PXK: variants seen among roughly 807,000 people sequenced by gnomAD.
PXK encodes the protein PX domain-containing protein kinase-like protein.
A neutral mutation model predicts 84.7 loss-of-function variants in PXK; 35 were observed. That is an observed-to-expected ratio of 0.41 (90% CI 0.32 to 0.55). PXK has a LOEUF of 0.55. Among genes scored for constraint, PXK ranks in the 20% least tolerant of loss-of-function variants. The probability of loss-of-function intolerance (pLI) is 0.21; values close to 1 mark genes in which losing one functional copy is unlikely to be tolerated. For missense variants in PXK, 634 were observed against 699.7 expected (o/e 0.91, Z 1.06); for synonymous variants, 253 against 260.8 (o/e 0.97, Z 0.29).
chr3:58,423,856 T>C (rs1298303780), intron 17 of PXK, among the ~76,000 whole-genome samples: 1 of 152,222 alleles, frequency 6.6e-6, no homozygotes, highest in Non-Finnish European at 1.5e-5. Context: ...TTCTAAAATA[T>C]AAAATTCGAG....
At chr3:58,419,388 A>AT (rs1180114189) in intron 17 of PXK, among the ~76,000 whole-genome samples, 5 of 152,166 alleles carry the variant, frequency 3.3e-5, no homozygotes, top group Non-Finnish European at 7.4e-5. Flanking sequence ...GGTAGCTGGG[A>AT]TTACAGGCGC....
chr3:58,371,540 G>A (rs767898075), intron 3 of PXK, among the ~76,000 whole-genome samples: 1 of 152,200 alleles, frequency 6.6e-6, no homozygotes, highest in Admixed American at 6.5e-5. Context: ...CAGCCAGGCC[G>A]AGTAAGAATT....
At chr3:58,378,553 T>TGTGTGTGTGA (rs1471620101) in intron 3 of PXK, among the ~76,000 whole-genome samples, 15 of 131,384 alleles carry the variant, frequency 1.1e-4, no homozygotes, top group South Asian at 1.0e-3. Context: ...TGTGTGTGTG[T>TGTGTGTGTGA]GACGAAGTTT....
In PXK at chr3:58,409,907, TA is replaced by T. The variant is rs2059947806; in HGVS notation, c.1396-182del. On this transcript the variant is annotated intron_variant, in intron 15 of 17. Coordinates refer to ENST00000356151, the MANE Select transcript of PXK (RefSeq NM_017771.5). The surrounding 1 kb of genome is among the most constrained non-coding windows in gnomAD (Gnocchi z 4.2). The stretch of plus-strand genomic sequence containing the variant: ...ATAGTAAAGTCAGCATTTTTTGTTT[TA>T]TTTCTGCCTTTAGTTTTGGCTGTGA... Among the ~76,000 whole-genome samples the T allele has an allele frequency of 6.6e-6, 1 of 152,238 alleles. No homozygotes were observed. Among genetic ancestry groups the T allele is most frequent in the African/African-American group, 2.4e-5 (1 of 41,462 alleles).
At position 58,408,924 on chromosome 3, in the gene PXK, A is replaced by T. The variant is rs1256904588; in HGVS notation, c.1231A>T (p.Ile411Phe). Residue 411 changes from isoleucine (I) to phenylalanine (F), a missense_variant and splice_region_variant, in exon 14 of 18, where the codon ATC (isoleucine) becomes TTC (phenylalanine). This residue lies in a region of PXK where 273 missense variants were observed against 283.6 expected (regional missense o/e 0.96). Transcript: ENST00000356151. Reference sequence around the variant, plus strand: ...ATGATGTACTTTTCTCTCCTTTCAGATCCCTACAAAGTTAAAAGAGGCATT... The same window carrying T: ...ATGATGTACTTTTCTCTCCTTTCAGTTCCCTACAAAGTTAAAAGAGGCATT... ...LTTSEKPQFKIPTKLKEALRI... is the reference protein window; with the variant it reads ...LTTSEKPQFKFPTKLKEALRI... The T allele has an allele frequency of 6.4e-7, 1 of 1,568,956 alleles. No individual in the cohort carries two copies. The highest frequency in any genetic ancestry group is 1.1e-5 in the South Asian group (1 of 90,064).
rs912776118 is a variant in PXK, at chr3:58,411,534, G to C, written c.1466-1367G>C. On this transcript the variant is annotated intron_variant, in intron 16 of 17. Transcript: ENST00000356151. This position sits in a 1 kb window ranked among gnomAD's most constrained non-coding sequence, Gnocchi z 4.2. ...CCGGTCATGGTCATTATTATACTGA[G>C]ACTCATGATTCCAACCAGCAGTCAT... 6.6e-6 allele frequency among the ~76,000 whole-genome samples: 1 copy of C among 152,100 alleles called. No homozygotes were observed. Among genetic ancestry groups the C allele is most frequent in the Non-Finnish European group, 1.5e-5 (1 of 68,014 alleles).
rs2098614814 is a variant in PXK at position 58,390,384 on chromosome 3, A to G, written c.389-198A>G. On this transcript the variant is annotated intron_variant, in intron 4 of 17. Transcript: ENST00000356151. This position sits in a 1 kb window ranked among gnomAD's most constrained non-coding sequence, Gnocchi z 4.2. ...GTTTTTCTGCTAGTGTACTTTTTCT[A>G]TTCCAGGGTCCAATCTAAAATCCCA... is the stretch of plus-strand genomic sequence containing the variant. Among the ~76,000 whole-genome samples the G allele has an allele frequency of 6.6e-6, 1 of 151,976 alleles. No individual in the cohort carries two copies. Among genetic ancestry groups the G allele is most frequent in the South Asian group, 2.1e-4 (1 of 4,818 alleles).
intron 1 of PXK, among the ~76,000 whole-genome samples, chr3:58,339,091 T>G (rs1472531317): frequency 2.0e-5 from 3 of 152,224 alleles, no homozygotes; most frequent in East Asian, 3.8e-4. Context: ...AAATCTGAGA[T>G]GGACGCAGTC....
chr3:58,375,787 A>G (rs1053037848), intron 3 of PXK, among the ~76,000 whole-genome samples: 7 of 152,204 alleles, frequency 4.6e-5, no homozygotes, highest in African/African-American at 1.7e-4. Context: ...AACTGGAAAC[A>G]TGGCATAAAT....
In PXK at chr3:58,412,885, CTG is replaced by C; in HGVS notation, c.1466-12_1466-11del. 1 of 1,614,096 alleles carries C rather than the reference CTG, an allele frequency of 6.2e-7. No homozygotes were observed. Among genetic ancestry groups the C allele is most frequent in the Non-Finnish European group, 8.5e-7 (1 of 1,179,954 alleles). On this transcript the variant is annotated splice_polypyrimidine_tract_variant and intron_variant, in intron 16 of 17. Coordinates refer to ENST00000356151, the MANE Select transcript of PXK (RefSeq NM_017771.5). The surrounding 1 kb of genome is among the most constrained non-coding windows in gnomAD (Gnocchi z 6.2). ...TTCGTTGGTCCCCATGAGGGTTTCT[CTG>C]TGTTTTATCTTAGCAGGATCTGGGG... is the stretch of plus-strand genomic sequence containing the variant.
At chr3:58,361,111 A>G (rs1281247295) in intron 1 of PXK, among the ~76,000 whole-genome samples, 1 of 151,908 alleles carries the variant, frequency 6.6e-6, no homozygotes, top group Non-Finnish European at 1.5e-5. Flanking sequence ...AGCCGGGCCA[A>G]GGTGGCGAAA....
intron 3 of PXK, among the ~76,000 whole-genome samples, chr3:58,375,751 A>T (rs1472084030): frequency 6.6e-6 from 1 of 152,072 alleles, no homozygotes; most frequent in Non-Finnish European, 1.5e-5. Flanking sequence ...CTGACATGGG[A>T]TGGGTTCCGG....
Position 58,385,138 on chromosome 3 carries a change from C to A in PXK, c.388+2438C>A, listed in dbSNP as rs1318172700. On this transcript the variant is annotated intron_variant, in intron 4 of 17. Coordinates refer to ENST00000356151, the MANE Select transcript of PXK (RefSeq NM_017771.5). The surrounding 1 kb of genome is among the most constrained non-coding windows in gnomAD (Gnocchi z 5.1). Reference sequence around the variant, plus strand: ...TGATCTCTACTCCCCCTCCCCACCCCCAGGCCTCCAGCATGGTAGAGAGTC... The same window carrying A: ...TGATCTCTACTCCCCCTCCCCACCCACAGGCCTCCAGCATGGTAGAGAGTC... Among the ~76,000 whole-genome samples, 1 of 152,144 alleles carries A rather than the reference C, an allele frequency of 6.6e-6. No homozygotes were observed. Among genetic ancestry groups the A allele is most frequent in the East Asian group, 1.9e-4 (1 of 5,198 alleles).
chr3:58,375,061 G>T lies in PXK; in HGVS notation c.201+5583G>T, dbSNP rs79725968. Among the ~76,000 whole-genome samples the T allele has an allele frequency of 2.8e-3, 434 of 152,294 alleles. 1 individual carries two copies. The highest frequency in any genetic ancestry group is 0.01 in the African/African-American group (421 of 41,558). On this transcript the variant is annotated intron_variant, in intron 3 of 17. Coordinates refer to ENST00000356151, the MANE Select transcript of PXK (RefSeq NM_017771.5). ...CATTTAAAAAAGTGAAATGAAGCTTGACAAACTGGGTATGTTGAAGCTTGG... is the reference window on the plus strand; with the variant it reads ...CATTTAAAAAAGTGAAATGAAGCTTTACAAACTGGGTATGTTGAAGCTTGG...
intron 1 of PXK, among the ~76,000 whole-genome samples, chr3:58,356,150 A>G (rs147196686): frequency 6.6e-6 from 1 of 152,010 alleles, no homozygotes; most frequent in Non-Finnish European, 1.5e-5. Flanking sequence ...AGTTTGAAAA[A>G]CTTCAGCACC....
intron 2 of PXK, among the ~76,000 whole-genome samples, chr3:58,368,715 C>T (rs1048682633): frequency 6.6e-6 from 1 of 152,208 alleles, no homozygotes; most frequent in Non-Finnish European, 1.5e-5. Context: ...CGATAGGGTT[C>T]TAGGTGATAT....
rs894155557 is a variant in PXK at position 58,409,439 on chromosome 3, A to C, written c.1309-93A>C. On this transcript the variant is annotated intron_variant, in intron 14 of 17. Coordinates refer to ENST00000356151, the MANE Select transcript of PXK (RefSeq NM_017771.5). This position sits in a 1 kb window ranked among gnomAD's most constrained non-coding sequence, Gnocchi z 4.2. ...GCAAGGAAAGATTTTCTTTTATCCC[A>C]ATAAAATGTGGTTTGCCAAAACATG... 3 of 1,173,798 alleles carry C rather than the reference A, an allele frequency of 2.6e-6. No individual in the cohort carries two copies. The highest frequency in any genetic ancestry group is 3.7e-6 in the Non-Finnish European group (3 of 803,154). The allele number at this position is 1,173,798 out of a possible 1,614,324, so 72.7% of individuals were successfully genotyped here.
At position 58,416,380 on chromosome 3, in the gene PXK, G is replaced by A. The variant is rs2060959051; in HGVS notation, c.1528+3417G>A. On this transcript the variant is annotated intron_variant, in intron 17 of 17. Transcript: ENST00000356151. This position sits in a 1 kb window ranked among gnomAD's most constrained non-coding sequence, Gnocchi z 4.8. ...TTATTTCCATGCCTTGAGGTTTACAGGTCCCTAAAAGTTGGGGGCGGTCCC... is the reference window on the plus strand; with the variant it reads ...TTATTTCCATGCCTTGAGGTTTACAAGTCCCTAAAAGTTGGGGGCGGTCCC... 6.6e-6 allele frequency among the ~76,000 whole-genome samples: 1 copy of A among 152,168 alleles called. No homozygotes were observed. The highest frequency in any genetic ancestry group is 2.4e-5 in the African/African-American group (1 of 41,424).
chr3:58,394,321 C>T (rs2098659912), intron 7 of PXK, among the ~76,000 whole-genome samples: 1 of 152,192 alleles, frequency 6.6e-6, no homozygotes, highest in Admixed American at 6.5e-5. Flanking sequence ...CAGCACTTTC[C>T]TTTCACTCAT....
Sources: gnomAD v4.1 joint callset for allele counts (sites outside exome capture counted in the v4.1 genomes callset) on GRCh38, gnomAD v4.1.1 for gene constraint, gnomAD v4.1.1 regional missense constraint, Gnocchi (gnomAD v3.1) non-coding constraint, MANE v1.5 for transcripts, NCBI Gene and HGNC (gene_info 2026-07-23, HGNC 2026-07-21) for gene names.